Variants in ESRRG observed in about 807,000 individuals in gnomAD.
The protein encoded by ESRRG is estrogen related receptor gamma.
ESRRG carries 13 observed loss-of-function variants against 44.0 expected under a neutral mutation model. That is an observed-to-expected ratio of 0.30 (90% confidence interval 0.19 to 0.47). The LOEUF is 0.47. Among genes scored for constraint, ESRRG ranks in the 20% least tolerant of loss-of-function variants. ESRRG has a pLI of 1.00. For synonymous variants in ESRRG, 215 were observed against 214.6 expected, an observed-to-expected ratio of 1.00 and a Z score of -0.02; for missense variants, 395 against 580.6, an observed-to-expected ratio of 0.68 and a Z score of 3.29.
chr1:216,524,322 G>C (rs1468258262), intron 5 of ESRRG, among the ~76,000 whole-genome samples: 3 of 143,988 alleles, frequency 2.1e-5, no homozygotes, highest in Non-Finnish European at 4.5e-5. Context: ...TTCATGAACT[G>C]GAACTCAGTA....
intron 2 of ESRRG, among the ~76,000 whole-genome samples, chr1:216,814,258 C>A (rs2148509027): frequency 6.6e-6 from 1 of 152,200 alleles, no homozygotes; most frequent in Middle Eastern, 3.4e-3. Context: ...GAGCAGCAGA[C>A]CTGTGCTTAT....
chr1:217,001,207 C>T (rs564664824), intron 1 of ESRRG, among the ~76,000 whole-genome samples: 6 of 152,258 alleles, frequency 3.9e-5, no homozygotes, highest in East Asian at 1.9e-4. Context: ...TTCTTTTCTT[C>T]GGTTCTTTTT....
chr1:216,597,718 C>T (rs1008123864), intron 3 of ESRRG, among the ~76,000 whole-genome samples: 1 of 152,102 alleles, frequency 6.6e-6, no homozygotes, highest in Non-Finnish European at 1.5e-5. Context: ...TGAGATACTA[C>T]AAAATGTGAA....
At chr1:217,100,848 C>A (rs1354015325) in intron 1 of ESRRG, among the ~76,000 whole-genome samples, 2 of 152,130 alleles carry the variant, frequency 1.3e-5, no homozygotes, top group Non-Finnish European at 2.9e-5. Context: ...AAAGAATCGG[C>A]CCCCATGATC....
At chr1:216,907,115 G>A (rs563422178) in intron 2 of ESRRG, among the ~76,000 whole-genome samples, 20 of 152,310 alleles carry the variant, frequency 1.3e-4, no homozygotes, top group African/African-American at 4.6e-4. Context: ...AATACTCTAC[G>A]TTGTAAACTG....
intron 5 of ESRRG, among the ~76,000 whole-genome samples, chr1:216,528,687 G>A (rs574798409): frequency 8.5e-5 from 13 of 152,186 alleles, no homozygotes; most frequent in Admixed American, 5.9e-4. Context: ...TCAAGTGTAA[G>A]AAGGAGCTTC....
intron 1 of ESRRG, chr1:217,000,225 T>C (rs1414337268): frequency 6.6e-6 from 1 of 152,164 alleles, no homozygotes; most frequent in Non-Finnish European, 1.5e-5. Context: ...CACAAACCAG[T>C]GGCTTAAAAA....
chr1:216,677,173 C>T lies in ESRRG; in HGVS notation c.375G>A (p.Lys125=), dbSNP rs377085883. 3 of 1,614,138 alleles carry T rather than the reference C, an allele frequency of 1.9e-6. No individual in the cohort carries two copies. Among genetic ancestry groups the T allele is most frequent in the Non-Finnish European group, 2.5e-6 (3 of 1,180,004 alleles). The part of the protein sequence containing the change: ...KCEYMLNSMP[K]RLCLVCGDIA... ...TGTCACCACACACTAAACACAGTCT[C>T]TTGGGCATCGAGTTGAGCATGTATT... The change falls in exon 2 of 7, where the codon AAG becomes AAA. Residue 125 remains lysine (K), a synonymous_variant. Coordinates refer to ENST00000408911, the MANE Select transcript of ESRRG (RefSeq NM_001438.4).
intron 2 of ESRRG, among the ~76,000 whole-genome samples, chr1:216,850,802 TGAATCTA>T (rs2095831102): frequency 6.6e-6 from 1 of 152,004 alleles, no homozygotes; most frequent in Admixed American, 6.6e-5. Context: ...TATTTTTCAT[TGAATCTA>T]TTGATGAATC....
chr1:216,996,516 C>A (rs1201468088), intron 1 of ESRRG, among the ~76,000 whole-genome samples: 3 of 151,752 alleles, frequency 2.0e-5, no homozygotes, highest in African/African-American at 4.8e-5. Flanking sequence ...TACTGGGGGC[C>A]TTATTTTGAA....
upstream of ESRRG, among the ~76,000 whole-genome samples, chr1:216,726,542 A>C (rs1480494675): frequency 6.6e-6 from 1 of 152,134 alleles, no homozygotes; most frequent in Non-Finnish European, 1.5e-5. Flanking sequence ...GGAAAAACAA[A>C]TAAACAAACA....
chr1:216,834,792 G>A (rs141339320), intron 2 of ESRRG, among the ~76,000 whole-genome samples: 201 of 152,252 alleles, frequency 1.3e-3, no homozygotes, highest in Middle Eastern at 0.01. Flanking sequence ...TAAGAAACAG[G>A]GAGAAAGTCA....
At chr1:216,925,694 T>C (rs1014512587) in intron 2 of ESRRG, among the ~76,000 whole-genome samples, 1 of 151,612 alleles carries the variant, frequency 6.6e-6, no homozygotes, top group African/African-American at 2.4e-5. Context: ...CTCACTCCTG[T>C]AATTCCAGCA....
intron 2 of ESRRG, chr1:216,854,904 A>G (rs2095902782): frequency 6.6e-6 from 1 of 152,188 alleles, no homozygotes; most frequent in South Asian, 2.1e-4. Context: ...TGAATAAAAT[A>G]TTGGTTTATA....
At position 216,869,539 on chromosome 1, in the gene ESRRG, T is replaced by C. The variant is rs189402998; in HGVS notation, c.-14+70043A>G. 9.9e-4 allele frequency among the ~76,000 whole-genome samples: 150 copies of C among 152,222 alleles called. 3 individuals carry two copies. Among genetic ancestry groups the C allele is most frequent in the Admixed American group, 9.4e-3 (144 of 15,294 alleles). On this transcript the variant is annotated intron_variant, in intron 2 of 7. Transcript: ENST00000359162. ...GTTCAGTTATGCTAGCTCCTTTGCC[T>C]TTCCATAAAAACTTTAGAATCAGTT... is the stretch of plus-strand genomic sequence containing the variant.
intron 3 of ESRRG, among the ~76,000 whole-genome samples, chr1:216,571,914 A>G (rs2060876574): frequency 6.6e-6 from 1 of 152,182 alleles, no homozygotes; most frequent in African/African-American, 2.4e-5. Flanking sequence ...TATTATACTC[A>G]TCAAGTTTAG....
intron 2 of ESRRG, among the ~76,000 whole-genome samples, chr1:216,763,300 T>C (rs1013089484): frequency 3.9e-5 from 6 of 152,248 alleles, no homozygotes; most frequent in Admixed American, 1.3e-4. Context: ...GGAGGCACCA[T>C]AATTTTCAAT....
Position 216,821,704 on chromosome 1 carries a change from AT to A in ESRRG, c.-14+117877del, listed in dbSNP as rs1249253821. 1.9e-3 allele frequency among the ~76,000 whole-genome samples: 256 copies of A among 131,432 alleles called. 23 individuals are homozygous for A. The highest frequency in any genetic ancestry group is 4.1e-3 in the African/African-American group (139 of 34,290). 86.2% of individuals were successfully genotyped at this position (131,432 alleles called of 152,430 possible). On this transcript the variant is annotated intron_variant, in intron 2 of 7. Transcript: ENST00000359162. ...TGCCTCAGGAAAAATAAATAAATAA[AT>A]AAATAAATAAATAAATAAATAAATA... is the stretch of plus-strand genomic sequence containing the variant.
At chr1:216,523,502 G>GTTT (rs572065983) in intron 5 of ESRRG, among the ~76,000 whole-genome samples, 16 of 141,274 alleles carry the variant, frequency 1.1e-4, no homozygotes, top group African/African-American at 4.2e-4. Context: ...TTTTTTTTTT[G>GTTT]TTTTTTTTTT....
Sources: allele counts gnomAD v4.1 joint callset (sites outside exome capture counted in the v4.1 genomes callset), GRCh38; gene constraint gnomAD v4.1.1; transcripts MANE v1.5; gene names NCBI Gene and HGNC (gene_info 2026-07-23, HGNC 2026-07-21).